WDFY4: variants seen among roughly 807,000 people sequenced by gnomAD.
WDFY4 encodes WD repeat- and FYVE domain-containing protein 4.
Under a neutral mutation model 351.9 loss-of-function variants are expected in WDFY4, and 169 were observed. That is an observed-to-expected ratio of 0.48 (90% CI 0.42 to 0.55). The LOEUF is 0.55. Among genes scored for constraint, WDFY4 ranks in the 20% least tolerant of loss-of-function variants. The pLI, the probability that WDFY4 is intolerant of heterozygous loss-of-function variation, is 0.00. For missense variants in WDFY4, 3,803 were observed against 3,935.6 expected, an observed-to-expected ratio of 0.97 and a Z score of 0.90; for synonymous variants, 1,622 against 1,574.6, an observed-to-expected ratio of 1.03 and a Z score of -0.71.
intron 7 of WDFY4, among the ~76,000 whole-genome samples, chr10:48,728,737 T>G (rs1002561332): frequency 3.3e-5 from 5 of 152,278 alleles, no homozygotes; most frequent in African/African-American, 1.2e-4. Context: ...CAGCTGACTA[T>G]GATCCCCACG....
chr10:48,926,842 A>C (rs563073892), intron 47 of WDFY4, among the ~76,000 whole-genome samples: 1 of 152,186 alleles, frequency 6.6e-6, no homozygotes, highest in East Asian at 1.9e-4. Context: ...CTTCATAGGC[A>C]TGTGTCCCCA....
intron 13 of WDFY4, among the ~76,000 whole-genome samples, chr10:48,761,096 G>A (rs1003785213): frequency 3.3e-5 from 5 of 152,280 alleles, no homozygotes; most frequent in Non-Finnish European, 7.4e-5. Context: ...CAGGGAAGCC[G>A]TCTCTAGATG....
chr10:48,970,842 T>C (rs999469961), intron 57 of WDFY4, among the ~76,000 whole-genome samples: 2 of 152,170 alleles, frequency 1.3e-5, no homozygotes, highest in African/African-American at 4.8e-5. Flanking sequence ...AGGAAGTGGT[T>C]GAGGTGGGAG....
chr10:48,935,258 C>G (rs1840280993), intron 47 of WDFY4: 2 of 152,374 alleles, frequency 1.3e-5, no homozygotes, highest in Admixed American at 1.3e-4. Context: ...AGGTCATTAG[C>G]ACAGTCTTGA....
chr10:48,970,253 G>A lies in WDFY4; in HGVS notation c.8892G>A (p.Met2964Ile). ...TGGTGTGTGTGTGGGAGCTCAGCATGACCAAAGGCCGCCCGAGGGGCTTGC... is the reference window on the plus strand; with the variant it reads ...TGGTGTGTGTGTGGGAGCTCAGCATAACCAAAGGCCGCCCGAGGGGCTTGC... ...STVVCVWELSMTKGRPRGLRL... is the reference protein window; with the variant it reads ...STVVCVWELSITKGRPRGLRL... Residue 2964 changes from methionine (M) to isoleucine (I), a missense_variant, in exon 57 of 62, where the codon ATG becomes ATA. Met to Ile is a conservative substitution (Grantham distance 10). Around this residue, in one of 3 missense-constraint regions of WDFY4, gnomAD observed 3,054 missense variants for 3,148.6 expected, o/e 0.97. Coordinates refer to ENST00000325239, the MANE Select transcript of WDFY4 (RefSeq NM_001394531.1). The A allele has an allele frequency of 6.4e-7, 1 of 1,551,554 alleles. No homozygotes were observed. Among genetic ancestry groups the A allele is most frequent in the Non-Finnish European group, 8.7e-7 (1 of 1,146,996 alleles).
chr10:48,804,615 A>G (rs2067194430), intron 25 of WDFY4: 1 of 533,742 alleles, frequency 1.9e-6, no homozygotes, highest in Admixed American at 6.4e-5. Context: ...GCCCAAAGTC[A>G]CCCTCCTCCA....
At chr10:48,916,251 C>G (rs189844453) in intron 47 of WDFY4, among the ~76,000 whole-genome samples, 3 of 152,164 alleles carry the variant, frequency 2.0e-5, no homozygotes, top group African/African-American at 7.2e-5. Context: ...AAACTTTGCA[C>G]CAGATGAGGA....
At chr10:48,898,323 T>C (rs1473024296) in intron 45 of WDFY4, among the ~76,000 whole-genome samples, 1 of 152,052 alleles carries the variant, frequency 6.6e-6, no homozygotes, top group African/African-American at 2.4e-5. Flanking sequence ...TTGCCTTCAT[T>C]ACCCCAAGCT....
At chr10:48,941,471 CGAGATGTGGCAG>C (rs1840760610) in intron 47 of WDFY4, among the ~76,000 whole-genome samples, 1 of 152,014 alleles carries the variant, frequency 6.6e-6, no homozygotes, top group Non-Finnish European at 1.5e-5. Flanking sequence ...TAAAGAAGGC[CGAGATGTGGCAG>C]GGGAATTCTG....
chr10:48,978,449 C>T lies in WDFY4; in HGVS notation c.9376+56C>T, dbSNP rs1024776593. ...TGGCCTTGCCCTGCCCTCCTCACCT[C>T]CCCTCTCTCCACCTCAGCCCAAGGG... On this transcript the variant is annotated intron_variant, in intron 60 of 61. Transcript: ENST00000325239. 5 of 1,470,286 alleles carry T rather than the reference C, an allele frequency of 3.4e-6. No homozygotes were observed. The Admixed American group carries it at 1.1e-4, about 32-fold the overall frequency. 91.1% of individuals were successfully genotyped at this position (1,470,286 alleles called of 1,614,324 possible). A position where few individuals can be genotyped will look rare whatever the true frequency, so the allele number is the denominator to read the frequency against.
intron 47 of WDFY4, among the ~76,000 whole-genome samples, chr10:48,910,646 C>T (rs1477740980): frequency 1.3e-5 from 2 of 152,150 alleles, no homozygotes; most frequent in Non-Finnish European, 2.9e-5. Context: ...TGCATTGAGG[C>T]AAATCCAGCC....
intron 1 of WDFY4, among the ~76,000 whole-genome samples, chr10:48,698,558 C>T (rs901248356): frequency 4.6e-5 from 7 of 152,138 alleles, no homozygotes; most frequent in Admixed American, 1.3e-4. Context: ...GGCCCTCTGT[C>T]GACCGTATCA....
chr10:48,858,175 CAG>C (rs1383278678), intron 39 of WDFY4, among the ~76,000 whole-genome samples: 13 of 152,142 alleles, frequency 8.5e-5, no homozygotes, highest in Non-Finnish European at 1.9e-4. Context: ...TATTTTCTCT[CAG>C]AGTGTAGATT....
At chr10:48,962,005 A>G (rs1239561387) in intron 53 of WDFY4, among the ~76,000 whole-genome samples, 2 of 152,202 alleles carry the variant, frequency 1.3e-5, no homozygotes, top group Non-Finnish European at 2.9e-5. Flanking sequence ...GCTTCATCTA[A>G]GGAAAAGAGG....
chr10:48,791,077 C>T (rs569440567), intron 23 of WDFY4, among the ~76,000 whole-genome samples, 160 bp downstream of exon 23: 95 of 152,362 alleles, frequency 6.2e-4, no homozygotes, highest in African/African-American at 2.1e-3. Context: ...AACTTCGCAG[C>T]AGAGGAGGGG....
intron 1 of WDFY4, among the ~76,000 whole-genome samples, chr10:48,695,535 C>T (rs534074667): frequency 9.8e-5 from 15 of 152,342 alleles, no homozygotes; most frequent in South Asian, 2.1e-4. Context: ...CCCATCTGTA[C>T]AGTGGGAATA....
chr10:48,913,778 C>T (rs1174662333), intron 47 of WDFY4: 1 of 1,613,966 alleles, frequency 6.2e-7, no homozygotes, highest in Non-Finnish European at 8.5e-7. Flanking sequence ...AGCCTAGGTT[C>T]ACAGCGCGGA....
At chr10:48,803,221 T>A in intron 24 of WDFY4, 65 bp from the exon 25 acceptor site, 1 of 1,504,190 alleles carries the variant, frequency 6.6e-7, no homozygotes, top group Non-Finnish European at 9.0e-7. Flanking sequence ...GACCTTCTCA[T>A]GCTTCCTGCA....
chr10:48,966,168 G>A (rs973733963), intron 54 of WDFY4, among the ~76,000 whole-genome samples: 3 of 152,146 alleles, frequency 2.0e-5, no homozygotes, highest in Non-Finnish European at 4.4e-5. Context: ...AGGGAGCCAC[G>A]TTATCTAGGG....
Sources: gnomAD v4.1 joint callset for allele counts (sites outside exome capture counted in the v4.1 genomes callset) on GRCh38, gnomAD v4.1.1 for gene constraint, gnomAD v4.1.1 regional missense constraint, MANE v1.5 for transcripts, NCBI Gene and HGNC (gene_info 2026-07-23, HGNC 2026-07-21) for gene names.